The following ERG variants were observed in gnomAD, a reference collection of about 807,000 sequenced individuals.
The protein encoded by ERG is transcriptional regulator ERG.
ERG carries 9 observed loss-of-function variants against 55.3 expected under a neutral mutation model. The ratio of observed to expected loss-of-function variants is 0.16; its 90% CI spans 0.10 to 0.28. ERG has a LOEUF of 0.28. Among genes scored for constraint, ERG ranks in the 10% least tolerant of loss-of-function variants. The pLI is 1.00. For missense variants in ERG, 434 were observed against 631.6 expected, an observed-to-expected ratio of 0.69 and a Z score of 3.35; for synonymous variants, 223 against 237.3, an observed-to-expected ratio of 0.94 and a Z score of 0.55.
chr21:38,391,377 C>A (rs1288960446), intron 8 of ERG, among the ~76,000 whole-genome samples: 1 of 152,148 alleles, frequency 6.6e-6, no homozygotes, highest in Non-Finnish European at 1.5e-5. Flanking sequence ...GTTGTTTAGG[C>A]ATGGAAAGTA....
chr21:38,498,283 T>C lies in ERG; in HGVS notation c.18+80A>G. The C allele has an allele frequency of 7.7e-7, 1 of 1,292,038 alleles. No homozygotes were observed. Among genetic ancestry groups the C allele is most frequent in the Non-Finnish European group, 1.1e-6 (1 of 893,578 alleles). The allele number at this position is 1,292,038 out of a possible 1,614,324, so 80.0% of individuals were successfully genotyped here. A position where few individuals can be genotyped will look rare whatever the true frequency, so the allele number is the denominator to read the frequency against. On this transcript the variant is annotated intron_variant, in intron 1 of 9. Transcript: ENST00000288319. This position sits in a 1 kb window ranked among gnomAD's most constrained non-coding sequence, Gnocchi z 4.6. Reference sequence around the variant, plus strand: ...GTGGGGGTGTTGCCCAACCCTAACTTATCTGCCTTGATAAAGGAAACCAAA... The same window carrying C: ...GTGGGGGTGTTGCCCAACCCTAACTCATCTGCCTTGATAAAGGAAACCAAA...
intron 2 of ERG, among the ~76,000 whole-genome samples, chr21:38,561,850 CAAAG>C (rs1426183964): frequency 6.6e-6 from 1 of 152,106 alleles, no homozygotes; most frequent in East Asian, 1.9e-4. Flanking sequence ...AGAAAATCTA[CAAAG>C]AATCACTAAC....
At chr21:38,538,047 C>T (rs771960537) in intron 2 of ERG, among the ~76,000 whole-genome samples, 29 of 152,076 alleles carry the variant, frequency 1.9e-4, no homozygotes, top group South Asian at 6.2e-4. Flanking sequence ...ATTTATCTTA[C>T]GCTAAGAGAA....
At chr21:38,384,455 C>T (rs1987597748) in intron 9 of ERG, among the ~76,000 whole-genome samples, 1 of 152,198 alleles carries the variant, frequency 6.6e-6, no homozygotes, top group African/African-American at 2.4e-5. Context: ...AGATTCAAGA[C>T]CTAGATGGAA....
rs999915639 is a variant in ERG, at chr21:38,394,592, T to A, written c.746-2148A>T. Among the ~76,000 whole-genome samples the A allele has an allele frequency of 2.6e-5, 4 of 152,214 alleles. No homozygotes were observed. In the East Asian group the frequency reaches 7.7e-4, roughly 29 times the overall value. On this transcript the variant is annotated intron_variant, in intron 6 of 9. Coordinates refer to ENST00000288319, the MANE Select transcript of ERG (RefSeq NM_182918.4). ...TGGTCTCGCTCTCCTGACCCCGTGA[T>A]CCGCCCGCCTCAGCCTCCTAAAGTG... is the stretch of plus-strand genomic sequence containing the variant.
intron 2 of ERG, among the ~76,000 whole-genome samples, chr21:38,563,123 G>C: frequency 6.6e-6 from 1 of 152,310 alleles, no homozygotes; most frequent in South Asian, 2.1e-4. Flanking sequence ...CTAGGAGGTC[G>C]GGAGGGATGA....
At chr21:38,481,451 C>T (rs2059237711) in intron 1 of ERG, among the ~76,000 whole-genome samples, 1 of 152,180 alleles carries the variant, frequency 6.6e-6, no homozygotes, top group Non-Finnish European at 1.5e-5. Flanking sequence ...TGAAAGATTA[C>T]ATTTTCATTG....
chr21:38,594,361 C>A (rs1400477337), intron 1 of ERG, among the ~76,000 whole-genome samples: 1 of 152,230 alleles, frequency 6.6e-6, no homozygotes, highest in African/African-American at 2.4e-5. Context: ...AGGTTGACAA[C>A]ATGCCTCCCC....
intron 1 of ERG, among the ~76,000 whole-genome samples, chr21:38,596,919 T>A (rs1402626978): frequency 6.6e-6 from 1 of 152,162 alleles, no homozygotes; most frequent in Non-Finnish European, 1.5e-5. Context: ...CTCAGTCACA[T>A]CCACCTACAT....
chr21:38,398,904 C>T (rs1268821434), intron 6 of ERG, among the ~76,000 whole-genome samples: 1 of 152,142 alleles, frequency 6.6e-6, no homozygotes, highest in East Asian at 1.9e-4. Flanking sequence ...TTAACATAAA[C>T]AAACAAATAC....
At chr21:38,427,569 G>C (rs1163072020) in intron 2 of ERG, among the ~76,000 whole-genome samples, 2 of 152,188 alleles carry the variant, frequency 1.3e-5, no homozygotes, top group Non-Finnish European at 2.9e-5. Context: ...GGTAGAATGA[G>C]ACTTCAGTGC....
intron 3 of ERG, among the ~76,000 whole-genome samples, chr21:38,419,432 T>C (rs376026018): frequency 2.0e-5 from 3 of 152,332 alleles, no homozygotes; most frequent in East Asian, 1.9e-4. Context: ...ATCCCTTTCA[T>C]ACTGCCTGAT....
intron 1 of ERG, among the ~76,000 whole-genome samples, chr21:38,478,344 A>C (rs1242813161): frequency 6.6e-6 from 1 of 152,236 alleles, no homozygotes; most frequent in Non-Finnish European, 1.5e-5. Context: ...AAATAGAGCA[A>C]GTGGGACTGA....
At chr21:38,585,219 T>C (rs2060054892), upstream of ERG, among the ~76,000 whole-genome samples, 1 of 152,084 alleles carries the variant, frequency 6.6e-6, no homozygotes, top group African/African-American at 2.4e-5. Context: ...GCACAGAAAA[T>C]ATTTTGAAAA....
At chr21:38,372,746 T>A in the ERG span, among the ~76,000 whole-genome samples, 1 of 152,054 alleles carries the variant, frequency 6.6e-6, no homozygotes. Flanking sequence ...ATGATTCATG[T>A]GTAAGAATTT....
At chr21:38,601,201 C>T (rs2060162638) in intron 1 of ERG, among the ~76,000 whole-genome samples, 5 of 152,186 alleles carry the variant, frequency 3.3e-5, no homozygotes, top group Non-Finnish European at 7.3e-5. Context: ...CACAACGCGG[C>T]AGCCAGATCA....
chr21:38,544,986 T>C (rs8133498), intron 2 of ERG, among the ~76,000 whole-genome samples: 76,773 of 151,924 alleles, frequency 0.51, 20,722 homozygotes, highest in Non-Finnish European at 0.62. Context: ...TGGTCTTCTT[T>C]CTCCACCCCA....
chr21:38,581,141 C>A (rs1289078792), intron 1 of ERG, among the ~76,000 whole-genome samples: 2 of 152,130 alleles, frequency 1.3e-5, no homozygotes, highest in South Asian at 2.1e-4. Flanking sequence ...GGTGCCCCAG[C>A]ACCTGGGGCA....
At chr21:38,435,331 G>A (rs1013818409) in intron 2 of ERG, among the ~76,000 whole-genome samples, 5 of 152,186 alleles carry the variant, frequency 3.3e-5, no homozygotes, top group Admixed American at 2.0e-4. Flanking sequence ...ACAAGGAGGG[G>A]ATTGTCTGGA....
Sources: gnomAD v4.1 joint callset for allele counts (sites outside exome capture counted in the v4.1 genomes callset) on GRCh38, gnomAD v4.1.1 for gene constraint, Gnocchi (gnomAD v3.1) non-coding constraint, MANE v1.5 for transcripts, NCBI Gene and HGNC (gene_info 2026-07-23, HGNC 2026-07-21) for gene names.